FRMD5: variants seen among roughly 807,000 people sequenced by gnomAD.
The protein encoded by FRMD5 is FERM domain containing 5.
Under a neutral mutation model 69.0 loss-of-function variants are expected in FRMD5, and 20 were observed. The ratio of observed to expected loss-of-function variants is 0.29; its 90% CI spans 0.20 to 0.42. The LOEUF is 0.42. FRMD5 is among the 10% of genes least tolerant of loss of function. FRMD5 has a pLI of 1.00. For synonymous variants in FRMD5, 271 were observed against 260.1 expected (o/e 1.04, Z -0.40); for missense variants, 595 against 708.6 (o/e 0.84, Z 1.82).
chr15:44,098,831 T>G (rs1157197380), intron 1 of FRMD5, among the ~76,000 whole-genome samples: 1 of 152,218 alleles, frequency 6.6e-6, no homozygotes, highest in African/African-American at 2.4e-5. Flanking sequence ...ATCTACACAC[T>G]TCATGCAAAG....
chr15:44,113,605 T>A (rs2076829215), intron 1 of FRMD5, among the ~76,000 whole-genome samples: 1 of 152,208 alleles, frequency 6.6e-6, no homozygotes, highest in East Asian at 1.9e-4. Context: ...ATTAAATTAT[T>A]ATTGACTGTA....
chr15:44,165,972 C>G (rs1033733885), intron 1 of FRMD5, among the ~76,000 whole-genome samples: 1 of 151,966 alleles, frequency 6.6e-6, no homozygotes, highest in African/African-American at 2.4e-5. Flanking sequence ...TAATGAACAT[C>G]TTGGTATAAA....
intron 1 of FRMD5, among the ~76,000 whole-genome samples, chr15:44,013,478 C>A (rs567758035): frequency 6.6e-6 from 1 of 152,240 alleles, no homozygotes; most frequent in South Asian, 2.1e-4. Flanking sequence ...TGATTTTTAT[C>A]CCTAGAGATT....
At chr15:44,034,970 C>T (rs1054822277) in intron 1 of FRMD5, among the ~76,000 whole-genome samples, 1 of 152,198 alleles carries the variant, frequency 6.6e-6, no homozygotes, top group African/African-American at 2.4e-5. Context: ...TTCCCTGAAA[C>T]AGTGAATGTT....
At chr15:44,190,503 C>T (rs544355082) in intron 1 of FRMD5, among the ~76,000 whole-genome samples, 1 of 147,346 alleles carries the variant, frequency 6.8e-6, no homozygotes, top group East Asian at 1.9e-4. Flanking sequence ...GGCAGGGGGA[C>T]CTGAAAGTTT....
intron 13 of FRMD5, among the ~76,000 whole-genome samples, chr15:43,875,360 AAAAAT>A (rs1400707982): frequency 5.6e-5 from 6 of 107,268 alleles, no homozygotes; most frequent in African/African-American, 2.1e-4. Flanking sequence ...AAAAAAAAAA[AAAAAT>A]ATATATATAT....
At chr15:43,925,003 CTTTTTTTT>C (rs58833260) in intron 1 of FRMD5, among the ~76,000 whole-genome samples, 1 of 129,034 alleles carries the variant, frequency 7.7e-6, no homozygotes, top group African/African-American at 3.1e-5. Flanking sequence ...CTTGTATATC[CTTTTTTTT>C]TTTTTTTTTT....
chr15:44,026,160 T>G (rs1317176211), intron 1 of FRMD5, among the ~76,000 whole-genome samples: 12 of 152,294 alleles, frequency 7.9e-5, no homozygotes, highest in African/African-American at 2.9e-4. Flanking sequence ...TTTGTATTTT[T>G]GGTAGAGACA....
rs559553651 is a variant in FRMD5 at position 43,968,512 on chromosome 15, C to A, written c.103-44203G>T. 2.0e-5 allele frequency among the ~76,000 whole-genome samples: 3 copies of A among 152,030 alleles called. No homozygotes were observed. In the South Asian group the frequency reaches 6.2e-4, roughly 32 times the overall value. On this transcript the variant is annotated intron_variant, in intron 1 of 13. Transcript: ENST00000417257. ...CTGAAATGAAAAGTGAAATATATTT[C>A]TTTTGTTCTCCTGACTCCTATTCTG...
chr15:43,889,978 A>T lies in FRMD5; in HGVS notation c.729-1106T>A, dbSNP rs1485473929. On this transcript the variant is annotated intron_variant, in intron 8 of 13. Coordinates refer to ENST00000417257, the MANE Select transcript of FRMD5 (RefSeq NM_032892.5). Reference sequence around the variant, plus strand: ...ATGTACCCAACTTACTGCTGGAAAAAGTTCAGGGGACAGAGGAAAATCACT... The same window carrying T: ...ATGTACCCAACTTACTGCTGGAAAATGTTCAGGGGACAGAGGAAAATCACT... 2.6e-5 allele frequency among the ~76,000 whole-genome samples: 4 copies of T among 152,276 alleles called. No homozygotes were observed. In the East Asian group the frequency reaches 5.8e-4, roughly 22 times the overall value.
intron 1 of FRMD5, among the ~76,000 whole-genome samples, chr15:44,049,795 G>A (rs1024955354): frequency 6.6e-6 from 1 of 152,132 alleles, no homozygotes; most frequent in African/African-American, 2.4e-5. Context: ...AATTATTCAA[G>A]TCTAGGTCAA....
In FRMD5 at chr15:43,873,838, G is replaced by A. The variant is rs372074731; in HGVS notation, c.*47C>T. 5.5e-4 allele frequency: 878 copies of A among 1,601,810 alleles called. 1 individual carries two copies. Among genetic ancestry groups the A allele is most frequent in the South Asian group, 6.6e-4 (59 of 89,850 alleles). On this transcript the variant is annotated 3_prime_UTR_variant, in exon 14 of 14. Coordinates refer to ENST00000417257, the MANE Select transcript of FRMD5 (RefSeq NM_032892.5). ...GTCCCATTGCTGGGAATGGGTAGCCGGGTTCCTTGGTCCACCTGGCTAGTT... is the reference window on the plus strand; with the variant it reads ...GTCCCATTGCTGGGAATGGGTAGCCAGGTTCCTTGGTCCACCTGGCTAGTT...
chr15:44,108,820 G>A (rs576069779), intron 1 of FRMD5, among the ~76,000 whole-genome samples: 7 of 151,842 alleles, frequency 4.6e-5, no homozygotes, highest in Non-Finnish European at 8.8e-5. Flanking sequence ...AATTAGCCGG[G>A]CATGGTGGCA....
At position 43,887,347 on chromosome 15, in the gene FRMD5, G is replaced by T. The variant is rs118049830; in HGVS notation, c.884+828C>A. Among the ~76,000 whole-genome samples the T allele has an allele frequency of 3.4e-3, 513 of 152,262 alleles. 3 individuals carry two copies. Among genetic ancestry groups the T allele is most frequent in the Non-Finnish European group, 5.7e-3 (388 of 68,022 alleles). On this transcript the variant is annotated intron_variant, in intron 10 of 13. Transcript: ENST00000417257. The stretch of plus-strand genomic sequence containing the variant: ...TAGGTTCAGGTAACTGGCCAAACCT[G>T]GATTACATCCTCACAGGCAAAGGGA...
intron 2 of FRMD5, 73 bp from the exon 3 acceptor site, chr15:43,919,882 T>TA (rs1238092696): frequency 1.9e-5 from 26 of 1,365,420 alleles, no homozygotes; most frequent in East Asian, 1.1e-4. Context: ...TTCTCCAACT[T>TA]AAAAAACTAG....
At chr15:44,178,595 C>T (rs1177280517) in intron 1 of FRMD5, among the ~76,000 whole-genome samples, 1 of 152,166 alleles carries the variant, frequency 6.6e-6, no homozygotes, top group Admixed American at 6.5e-5. Context: ...AGAATGAGTC[C>T]TCCCTCTGAA....
chr15:44,108,965 AAAAATAAAATAAAATAAAAT>A (rs3986153), intron 1 of FRMD5, among the ~76,000 whole-genome samples: 2,503 of 136,858 alleles, frequency 0.018, 40 homozygotes, highest in African/African-American at 0.047. Flanking sequence ...CTCTCTAAAT[AAAAATAAAATAAAATAAAAT>A]AAAATAAAAT....
intron 1 of FRMD5, among the ~76,000 whole-genome samples, chr15:43,943,238 A>T (rs984981876): frequency 6.6e-6 from 1 of 152,120 alleles, no homozygotes; most frequent in African/African-American, 2.4e-5. Flanking sequence ...GTGAAACTGT[A>T]TCTCAAAAAA....
At chr15:43,918,465 T>G (rs1286895527) in intron 4 of FRMD5, among the ~76,000 whole-genome samples, 1 of 152,184 alleles carries the variant, frequency 6.6e-6, no homozygotes. Context: ...CCTTCTTCCC[T>G]CCTCCTTTTC....
Sources: gnomAD v4.1 joint callset for allele counts (sites outside exome capture counted in the v4.1 genomes callset) on GRCh38, gnomAD v4.1.1 for gene constraint, MANE v1.5 for transcripts, NCBI Gene and HGNC (gene_info 2026-07-23, HGNC 2026-07-21) for gene names.